The following CFAP299 variants were observed in gnomAD, a reference collection of about 807,000 sequenced individuals.
CFAP299 encodes cilia- and flagella-associated protein 299.
A neutral mutation model predicts 27.0 loss-of-function variants in CFAP299; 21 were observed. The ratio of observed to expected loss-of-function variants is 0.78; its 90% confidence interval spans 0.55 to 1.12. The LOEUF (loss-of-function observed/expected upper bound fraction) is 1.12. Ranked by LOEUF, CFAP299 falls within the 50% of genes most tolerant of loss-of-function variation. The pLI is 0.00. For synonymous variants in CFAP299, 104 were observed against 98.1 expected (o/e 1.06, Z -0.36); for missense variants, 310 against 276.6 (o/e 1.12, Z -0.86).
intron 3 of CFAP299, among the ~76,000 whole-genome samples, chr4:80,692,320 C>G (rs925102174): frequency 4.6e-5 from 7 of 152,220 alleles, no homozygotes; most frequent in African/African-American, 1.4e-4. Context: ...GTAACCAAAA[C>G]AGCATGGTAC....
chr4:80,772,332 A>T (rs952827762), intron 3 of CFAP299, among the ~76,000 whole-genome samples: 1 of 152,136 alleles, frequency 6.6e-6, no homozygotes, highest in African/African-American at 2.4e-5. Context: ...TTATCACTTT[A>T]TGGGCTACGA....
chr4:80,682,816 T>A (rs536387423), intron 3 of CFAP299, among the ~76,000 whole-genome samples: 1 of 152,136 alleles, frequency 6.6e-6, no homozygotes, highest in Non-Finnish European at 1.5e-5. Flanking sequence ...GTTTCTGTCA[T>A]CCCACATATT....
chr4:80,484,730 GTTTCA>G (rs1730724302), intron 2 of CFAP299, among the ~76,000 whole-genome samples: 1 of 152,116 alleles, frequency 6.6e-6, no homozygotes, highest in Non-Finnish European at 1.5e-5. Flanking sequence ...GGCAGAAATT[GTTTCA>G]TTATAGAAAA....
chr4:80,642,258 T>C (rs1418060823), intron 3 of CFAP299, among the ~76,000 whole-genome samples: 1 of 152,208 alleles, frequency 6.6e-6, no homozygotes, highest in Non-Finnish European at 1.5e-5. Context: ...CTCATAAGCA[T>C]TGGCAACTGA....
At chr4:80,759,444 T>C (rs1014030323) in intron 3 of CFAP299, among the ~76,000 whole-genome samples, 3 of 152,210 alleles carry the variant, frequency 2.0e-5, no homozygotes, top group South Asian at 2.1e-4. Context: ...TTACAGACTT[T>C]TGAGTGGCGG....
At chr4:80,699,591 G>C (rs956091084) in intron 3 of CFAP299, among the ~76,000 whole-genome samples, 6 of 152,098 alleles carry the variant, frequency 3.9e-5, no homozygotes, top group African/African-American at 1.4e-4. Flanking sequence ...AAGTTCAAGA[G>C]AACAGTTGAA....
At chr4:80,851,785 T>G (rs1284039994) in intron 3 of CFAP299, among the ~76,000 whole-genome samples, 2 of 152,162 alleles carry the variant, frequency 1.3e-5, no homozygotes, top group Non-Finnish European at 2.9e-5. Context: ...GCTGATCTAT[T>G]ATTTGGTATT....
intron 3 of CFAP299, among the ~76,000 whole-genome samples, chr4:80,768,465 A>G (rs1726024821): frequency 6.6e-6 from 1 of 152,216 alleles, no homozygotes; most frequent in Non-Finnish European, 1.5e-5. Flanking sequence ...ACTAAACTTT[A>G]TAAACTAACT....
At chr4:80,331,881 G>A (rs1721955622), upstream of CFAP299, among the ~76,000 whole-genome samples, 1 of 152,264 alleles carries the variant, frequency 6.6e-6, no homozygotes, top group East Asian at 1.9e-4. Flanking sequence ...AGTAACAAAA[G>A]TGTAGAGTCA....
chr4:80,618,698 A>G (rs1347787404), intron 3 of CFAP299, among the ~76,000 whole-genome samples: 3 of 152,094 alleles, frequency 2.0e-5, no homozygotes, highest in African/African-American at 7.2e-5. Flanking sequence ...ATGAACTCCA[A>G]TTATTTCCAT....
intron 2 of CFAP299, among the ~76,000 whole-genome samples, chr4:80,477,817 C>T (rs1309712736): frequency 6.6e-6 from 1 of 152,168 alleles, no homozygotes; most frequent in African/African-American, 2.4e-5. Flanking sequence ...CAGACATTAT[C>T]AACTTACTTG....
At chr4:80,422,697 ATGTT>A (rs1727347420) in intron 2 of CFAP299, among the ~76,000 whole-genome samples, 1 of 152,198 alleles carries the variant, frequency 6.6e-6, no homozygotes, top group African/African-American at 2.4e-5. Flanking sequence ...GATGATCAAT[ATGTT>A]TGTTTGGCTT....
At chr4:80,800,765 G>GTATACATATATATGTATACATA (rs1560419820) in intron 3 of CFAP299, among the ~76,000 whole-genome samples, 1 of 127,400 alleles carries the variant, frequency 7.8e-6, no homozygotes, top group African/African-American at 3.3e-5. Context: ...GTGTGTGTGT[G>GTATACATATATATGTATACATA]TGTATATATA....
intron 3 of CFAP299, among the ~76,000 whole-genome samples, chr4:80,794,865 A>G (rs561156428): frequency 3.4e-4 from 52 of 152,318 alleles, no homozygotes; most frequent in African/African-American, 1.2e-3. Context: ...GATCACCCCA[A>G]GGAATGGTGC....
At chr4:80,476,916 C>CT (rs1322293615) in intron 2 of CFAP299, among the ~76,000 whole-genome samples, 2 of 151,128 alleles carry the variant, frequency 1.3e-5, no homozygotes, top group Non-Finnish European at 2.9e-5. Flanking sequence ...CTGGAGCCTG[C>CT]TTTTCTCAGG....
intron 3 of CFAP299, among the ~76,000 whole-genome samples, chr4:80,627,294 C>A (rs191278566): frequency 3.2e-4 from 49 of 151,948 alleles, no homozygotes; most frequent in African/African-American, 1.1e-3. Context: ...AATTTGGCAT[C>A]CTTTCATGAT....
At chr4:80,626,994 C>T (rs1358156517) in intron 3 of CFAP299, among the ~76,000 whole-genome samples, 1 of 151,200 alleles carries the variant, frequency 6.6e-6, no homozygotes, top group East Asian at 1.9e-4. Context: ...TTTATCAGGC[C>T]AGCATTACCT....
intron 3 of CFAP299, among the ~76,000 whole-genome samples, chr4:80,719,127 A>C (rs1182531038): frequency 2.0e-5 from 3 of 152,088 alleles, no homozygotes; most frequent in Non-Finnish European, 4.4e-5. Flanking sequence ...AACAACAGAC[A>C]TTGGGACCCA....
intron 2 of CFAP299, among the ~76,000 whole-genome samples, chr4:80,459,489 T>C (rs992638145): frequency 1.3e-5 from 2 of 152,160 alleles, no homozygotes; most frequent in African/African-American, 4.8e-5. Context: ...GTACTTTACT[T>C]CCTTTCATTC....
Sources: allele counts gnomAD v4.1 joint callset (sites outside exome capture counted in the v4.1 genomes callset), GRCh38; gene constraint gnomAD v4.1.1; transcripts MANE v1.5; gene names NCBI Gene and HGNC (gene_info 2026-07-23, HGNC 2026-07-21).